GRIA4: variants seen among roughly 807,000 people sequenced by gnomAD.
GRIA4 encodes the protein glutamate receptor 4.
Under a neutral mutation model 104.0 loss-of-function variants are expected in GRIA4, and 34 were observed. The observed-to-expected ratio is 0.33, with a 90% CI of 0.25 to 0.44. The LOEUF (loss-of-function observed/expected upper bound fraction) is 0.44. Among genes scored for constraint, GRIA4 ranks in the 20% least tolerant of loss-of-function variants. The probability of loss-of-function intolerance (pLI) is 1.00; values close to 1 mark genes in which losing one functional copy is unlikely to be tolerated. For synonymous variants in GRIA4, 386 were observed against 381.9 expected (o/e 1.01, Z -0.13); for missense variants, 750 against 1,096.5 (o/e 0.68, Z 4.46).
At chr11:105,949,220 C>T (rs1254298891) in intron 14 of GRIA4, among the ~76,000 whole-genome samples, 1 of 152,148 alleles carries the variant, frequency 6.6e-6, no homozygotes, top group Non-Finnish European at 1.5e-5. Flanking sequence ...TGTCCGCTTG[C>T]CAACACTTAA....
chr11:105,972,586 T>G (rs373683103), intron 15 of GRIA4, among the ~76,000 whole-genome samples: 2 of 152,162 alleles, frequency 1.3e-5, no homozygotes, highest in South Asian at 2.1e-4. Context: ...TTGAAATTGT[T>G]TTAATTAATC....
At chr11:105,672,875 A>G (rs145013182) in intron 3 of GRIA4, among the ~76,000 whole-genome samples, 31 of 152,248 alleles carry the variant, frequency 2.0e-4, no homozygotes, top group African/African-American at 7.2e-4. Context: ...ATATTATTTC[A>G]GTTATATTAT....
intron 6 of GRIA4, among the ~76,000 whole-genome samples, chr11:105,888,798 A>G (rs925272907): frequency 5.3e-5 from 8 of 152,254 alleles, no homozygotes; most frequent in Middle Eastern, 6.8e-3. Flanking sequence ...ACTGTGAACC[A>G]TGATTATATT....
chr11:105,769,654 C>G (rs758778089), intron 4 of GRIA4, among the ~76,000 whole-genome samples: 3 of 151,980 alleles, frequency 2.0e-5, no homozygotes, highest in Non-Finnish European at 2.9e-5. Flanking sequence ...CCCATAGTGA[C>G]AGGACGAAAG....
At chr11:105,925,509 T>C (rs1289061281) in intron 12 of GRIA4, among the ~76,000 whole-genome samples, 6 of 152,166 alleles carry the variant, frequency 3.9e-5, no homozygotes, top group Admixed American at 3.9e-4. Flanking sequence ...AATTGTTGAC[T>C]ATATATTAGC....
chr11:105,912,430 A>G lies in GRIA4; in HGVS notation c.1269+1885A>G, dbSNP rs1021498475. On this transcript the variant is annotated intron_variant, in intron 10 of 16. Coordinates refer to ENST00000282499, the MANE Select transcript of GRIA4 (RefSeq NM_000829.4). ...GACAAATAAATCTTAAAACCAAAAT[A>G]CTGAATTAATTTTGCAAGCATGGCT... 4 of 960,058 alleles carry G rather than the reference A, an allele frequency of 4.2e-6. No homozygotes were observed. The South Asian group carries it at 1.4e-4, about 35-fold the overall frequency. The allele number at this position is 960,058 out of a possible 1,614,324, so 59.5% of individuals were successfully genotyped here.
At position 105,906,077 on chromosome 11, in the gene GRIA4, G is replaced by A. The variant is rs1031852693; in HGVS notation, c.1158+776G>A. On this transcript the variant is annotated intron_variant, in intron 9 of 16. Coordinates refer to ENST00000282499, the MANE Select transcript of GRIA4 (RefSeq NM_000829.4). ...TTAACCTTATCTAAAAGCTGTATTTGGCTGTTTAAAAAAAAAATTTCCAAA... is the reference window on the plus strand; with the variant it reads ...TTAACCTTATCTAAAAGCTGTATTTAGCTGTTTAAAAAAAAAATTTCCAAA... Among the ~76,000 whole-genome samples the A allele has an allele frequency of 2.6e-5, 4 of 152,042 alleles. No homozygotes were observed. The South Asian group carries it at 8.3e-4, about 32-fold the overall frequency.
chr11:105,704,013 T>C (rs999182192), intron 3 of GRIA4, among the ~76,000 whole-genome samples: 2 of 152,086 alleles, frequency 1.3e-5, no homozygotes, highest in African/African-American at 4.8e-5. Context: ...ATATCTTATA[T>C]CTATAATTCA....
intron 6 of GRIA4, among the ~76,000 whole-genome samples, chr11:105,894,601 C>T (rs941877519): frequency 1.3e-5 from 2 of 151,744 alleles, no homozygotes; most frequent in African/African-American, 4.8e-5. Context: ...CAGCAATGCA[C>T]ATATGTTGGT....
At chr11:105,828,951 T>G (rs11226858) in intron 4 of GRIA4, among the ~76,000 whole-genome samples, 1 of 151,776 alleles carries the variant, frequency 6.6e-6, no homozygotes, top group Non-Finnish European at 1.5e-5. Flanking sequence ...CTTGCTGATA[T>G]TAAAAATTAA....
intron 3 of GRIA4, among the ~76,000 whole-genome samples, chr11:105,648,959 C>T (rs900259774): frequency 7.9e-5 from 12 of 152,258 alleles, no homozygotes; most frequent in Admixed American, 5.9e-4. Flanking sequence ...AGAAGTAGGA[C>T]GGAGGTTCCA....
At chr11:105,885,656 G>GA (rs1946229184) in intron 5 of GRIA4, among the ~76,000 whole-genome samples, 1 of 152,206 alleles carries the variant, frequency 6.6e-6, no homozygotes, top group Admixed American at 6.5e-5. Context: ...GGGTATAGCT[G>GA]AAAAAATTCT....
chr11:105,854,125 G>C (rs1278132709), intron 4 of GRIA4, among the ~76,000 whole-genome samples: 1 of 152,136 alleles, frequency 6.6e-6, no homozygotes, highest in Non-Finnish European at 1.5e-5. Flanking sequence ...CTGACTTCAT[G>C]AGCTTACCTT....
intron 3 of GRIA4, among the ~76,000 whole-genome samples, chr11:105,642,974 C>A (rs58045982): frequency 0.47 from 71,244 of 151,854 alleles, 17,409 homozygotes; most frequent in Admixed American, 0.59. Flanking sequence ...GGAAAGCAAA[C>A]ACAACCTTCT....
intron 5 of GRIA4, among the ~76,000 whole-genome samples, chr11:105,877,250 G>A (rs555233321): frequency 3.6e-4 from 55 of 152,230 alleles, no homozygotes; most frequent in African/African-American, 1.2e-3. Flanking sequence ...CTCTCTTCTG[G>A]CTTGTAGGGT....
intron 3 of GRIA4, among the ~76,000 whole-genome samples, chr11:105,681,780 C>T (rs2135466853): frequency 1.3e-5 from 2 of 152,264 alleles, no homozygotes; most frequent in African/African-American, 4.8e-5. Context: ...CAGTGGCTTA[C>T]ATGTGTAATC....
In GRIA4 at chr11:105,644,333, C is replaced by A. The variant is rs1344979097; in HGVS notation, c.247+31899C>A. Among the ~76,000 whole-genome samples the A allele has an allele frequency of 3.3e-5, 5 of 152,046 alleles. No individual in the cohort carries two copies. In the East Asian group the frequency reaches 9.7e-4, roughly 30 times the overall value. On this transcript the variant is annotated intron_variant, in intron 3 of 16. Coordinates refer to ENST00000282499, the MANE Select transcript of GRIA4 (RefSeq NM_000829.4). ...TAGGCCAGGCACCTTTGGCTCGCGC[C>A]TGTAATCCCAGCACTTTGGGACGCC...
intron 6 of GRIA4, among the ~76,000 whole-genome samples, chr11:105,896,395 G>A (rs1439293240): frequency 6.6e-6 from 1 of 152,030 alleles, no homozygotes; most frequent in Non-Finnish European, 1.5e-5. Flanking sequence ...TCTGTTGATT[G>A]TTTCTTTTGC....
intron 5 of GRIA4, among the ~76,000 whole-genome samples, chr11:105,882,802 T>C (rs748610217): frequency 2.6e-5 from 4 of 152,192 alleles, no homozygotes; most frequent in South Asian, 2.1e-4. Flanking sequence ...AAGTACTCCA[T>C]TGGCATTTGT....
Sources: allele counts gnomAD v4.1 joint callset (sites outside exome capture counted in the v4.1 genomes callset), GRCh38; gene constraint gnomAD v4.1.1; transcripts MANE v1.5; gene names NCBI Gene and HGNC (gene_info 2026-07-23, HGNC 2026-07-21).